PDHX: variants seen among roughly 807,000 people sequenced by gnomAD.
PDHX encodes pyruvate dehydrogenase complex component X.
Under a neutral mutation model 55.3 loss-of-function variants are expected in PDHX, and 33 were observed. The observed-to-expected ratio is 0.60, with a 90% confidence interval of 0.45 to 0.80. The LOEUF (loss-of-function observed/expected upper bound fraction) is 0.80. Among genes scored for constraint, PDHX ranks in the 30% least tolerant of loss-of-function variants. The pLI, the probability that PDHX is intolerant of heterozygous loss-of-function variation, is 0.00. For missense variants in PDHX, 622 were observed against 619.9 expected (o/e 1.00, Z -0.04); for synonymous variants, 226 against 219.4 (o/e 1.03, Z -0.27).
upstream of PDHX, chr11:34,916,421 G>T: frequency 6.7e-7 from 1 of 1,494,734 alleles, no homozygotes; most frequent in Non-Finnish European, 8.9e-7. Context: ...CGAACGGGGC[G>T]GGGGCCGGGG....
upstream of PDHX, chr11:34,915,950 TA>T: frequency 1.8e-6 from 1 of 558,328 alleles, no homozygotes; most frequent in Non-Finnish European, 3.2e-6. Context: ...TGAGGTCACC[TA>T]AACGCTCTCC....
At chr11:34,991,168 G>A (rs896031436) in intron 9 of PDHX, among the ~76,000 whole-genome samples, 5 of 152,252 alleles carry the variant, frequency 3.3e-5, no homozygotes, top group South Asian at 2.1e-4. Context: ...TTTAGAAATC[G>A]CTGTGGTCAA....
chr11:34,983,466 A>G (rs10768110), intron 8 of PDHX, among the ~76,000 whole-genome samples: 88,451 of 151,988 alleles, frequency 0.58, 27,902 homozygotes, highest in East Asian at 0.75. Context: ...TTCAATTAGG[A>G]AAAGAAGAAG....
intron 8 of PDHX, among the ~76,000 whole-genome samples, chr11:34,982,704 C>T (rs61882174): frequency 1.3e-5 from 2 of 151,954 alleles, no homozygotes; most frequent in African/African-American, 4.8e-5. Context: ...ACACATACAC[C>T]CTCCCAAGAC....
intron 7 of PDHX, 94 bp downstream of exon 7, chr11:34,970,380 G>C: frequency 1.9e-6 from 2 of 1,047,204 alleles, no homozygotes; most frequent in Non-Finnish European, 2.9e-6. Context: ...GCTACATTGT[G>C]TAGCTTTTAA....
In PDHX at chr11:34,953,428, G is replaced by A. The variant is rs188199677; in HGVS notation, c.343-3956G>A. ...AACAAAGCTGGAGGCATCATGCTACGTGACTTCAAAGTATACTACAAGGCT... is the reference window on the plus strand; with the variant it reads ...AACAAAGCTGGAGGCATCATGCTACATGACTTCAAAGTATACTACAAGGCT... On this transcript the variant is annotated intron_variant, in intron 3 of 10. Coordinates refer to ENST00000227868, the MANE Select transcript of PDHX (RefSeq NM_003477.3). 2.3e-3 allele frequency among the ~76,000 whole-genome samples: 352 copies of A among 152,226 alleles called. 1 individual carries two copies. The highest frequency in any genetic ancestry group is 7.5e-3 in the African/African-American group (310 of 41,544).
chr11:34,939,344 C>G (rs1854414950), intron 2 of PDHX, among the ~76,000 whole-genome samples: 1 of 152,070 alleles, frequency 6.6e-6, no homozygotes. Flanking sequence ...AATTATGAAT[C>G]TAGTTTACTT....
chr11:34,916,815 G>A lies in PDHX; in HGVS notation c.160G>A (p.Gly54Ser), dbSNP rs146678221. Residue 54 changes from glycine to serine, a missense_variant and splice_region_variant, in exon 1 of 11, where the codon GGT (glycine) becomes AGT (serine). Physicochemically the swap from Gly to Ser is moderately conservative, Grantham distance 56. Transcript: ENST00000227868. ...RWFHSTQWLR[G>S]DPIKILMPSL... Reference sequence around the variant, plus strand: ...GTTTCACAGCACGCAGTGGCTTCGGGGTGAGTGGCCGGGGCTCGCTCAGCT... The same window carrying A: ...GTTTCACAGCACGCAGTGGCTTCGGAGTGAGTGGCCGGGGCTCGCTCAGCT... 15 of 1,571,184 alleles carry A rather than the reference G, an allele frequency of 9.5e-6. No individual in the cohort carries two copies. In the East Asian group the frequency reaches 1.4e-4, roughly 15 times the overall value.
intron 4 of PDHX, among the ~76,000 whole-genome samples, chr11:34,958,401 A>G (rs937593808): frequency 9.9e-5 from 15 of 152,020 alleles, no homozygotes; most frequent in African/African-American, 3.6e-4. Context: ...TCTGGGTTCA[A>G]GCGATTCTCC....
chr11:34,953,543 AT>A (rs1854830466), intron 3 of PDHX, among the ~76,000 whole-genome samples: 1 of 152,226 alleles, frequency 6.6e-6, no homozygotes. Context: ...GATAGTTTAT[AT>A]TCCCCATGAA....
At chr11:34,916,205 G>A (rs771164728), upstream of PDHX, 1 of 1,604,968 alleles carries the variant, frequency 6.2e-7, no homozygotes, top group African/African-American at 1.3e-5. Flanking sequence ...GGGAATACCG[G>A]GCACCGGTGG....
chr11:34,947,520 G>A lies in PDHX; in HGVS notation c.256G>A (p.Ala86Thr). 2 of 1,612,522 alleles carry A rather than the reference G, an allele frequency of 1.2e-6. No homozygotes were observed. The highest frequency in any genetic ancestry group is 1.7e-6 in the Non-Finnish European group (2 of 1,178,634). The stretch of plus-strand genomic sequence containing the variant: ...TTGTTTTGTAGGTGAAGCGGTGAGT[G>A]CTGGAGATGCATTATGTGAAATTGA... ...WLKKEGEAVSAGDALCEIETD... is the reference protein window; with the variant it reads ...WLKKEGEAVSTGDALCEIETD... Residue 86 changes from alanine to threonine, a missense_variant, in exon 3 of 11, where the codon GCT becomes ACT. By Grantham distance (58) the Ala-to-Thr change is moderately conservative. Coordinates refer to ENST00000227868, the MANE Select transcript of PDHX (RefSeq NM_003477.3).
At chr11:34,936,486 A>T (rs138868496) in intron 2 of PDHX, among the ~76,000 whole-genome samples, 4 of 152,330 alleles carry the variant, frequency 2.6e-5, no homozygotes, top group Non-Finnish European at 5.9e-5. Context: ...TTTGCAGATG[A>T]GGTAGTATTT....
intron 3 of PDHX, among the ~76,000 whole-genome samples, chr11:34,950,468 G>A (rs1175758295): frequency 6.7e-6 from 1 of 150,102 alleles, no homozygotes; most frequent in Non-Finnish European, 1.5e-5. Flanking sequence ...CTGGTGTGCT[G>A]CACCCATTAA....
chr11:34,931,362 C>A, intron 1 of PDHX, 42 bp from the exon 2 acceptor site: 1 of 1,012,664 alleles, frequency 9.9e-7, no homozygotes, highest in Non-Finnish European at 1.6e-6. Flanking sequence ...TCATGAGGTG[C>A]ATTATTTGTT....
At chr11:34,958,963 A>G (rs1423800045) in intron 4 of PDHX, among the ~76,000 whole-genome samples, 1 of 152,090 alleles carries the variant, frequency 6.6e-6, no homozygotes, top group Non-Finnish European at 1.5e-5. Context: ...AAATCTAAAG[A>G]TTTAGTAACA....
chr11:34,962,404 G>A (rs1478536850), intron 5 of PDHX, among the ~76,000 whole-genome samples: 1 of 152,174 alleles, frequency 6.6e-6, no homozygotes, highest in African/African-American at 2.4e-5. Flanking sequence ...AATGAATTTG[G>A]ATCTGGTCTA....
At chr11:34,932,779 C>G (rs1246652317) in intron 2 of PDHX, among the ~76,000 whole-genome samples, 2 of 152,184 alleles carry the variant, frequency 1.3e-5, no homozygotes, top group Non-Finnish European at 2.9e-5. Flanking sequence ...AGAATAGACA[C>G]AAACACACAC....
chr11:34,940,207 A>T (rs1317888431), intron 2 of PDHX, among the ~76,000 whole-genome samples: 1 of 152,186 alleles, frequency 6.6e-6, no homozygotes, highest in African/African-American at 2.4e-5. Context: ...ACTTAGCCAC[A>T]CCCACAGTGC....
Sources: gnomAD v4.1 joint callset for allele counts (sites outside exome capture counted in the v4.1 genomes callset) on GRCh38, gnomAD v4.1.1 for gene constraint, MANE v1.5 for transcripts, NCBI Gene and HGNC (gene_info 2026-07-23, HGNC 2026-07-21) for gene names.